CFAP47: variants seen among roughly 807,000 people sequenced by gnomAD.
CFAP47 encodes the protein cilia and flagella associated protein 47, also known as cilia- and flagella-associated protein 47.
In CFAP47, 29 loss-of-function variants were observed where a neutral mutation model predicts 148.1. The ratio of observed to expected loss-of-function variants is 0.20; its 90% CI spans 0.15 to 0.27. The LOEUF (loss-of-function observed/expected upper bound fraction) is 0.27. Among genes scored for constraint, CFAP47 ranks in the 10% least tolerant of loss-of-function variants. The pLI is 1.00. For synonymous variants in CFAP47, 664 were observed against 577.3 expected, an observed-to-expected ratio of 1.15 and a Z score of -2.15; for missense variants, 1,872 against 1,697.5, an observed-to-expected ratio of 1.10 and a Z score of -1.81.
intron 29 of CFAP47, among the ~76,000 whole-genome samples, chrX:36,079,167 T>G (rs916543666): frequency 6.3e-5 from 7 of 111,052 alleles, no homozygotes; most frequent in Non-Finnish European, 1.3e-4. Context: ...GGGGTTGCTC[T>G]TCTTGAGGAT....
chrX:36,026,946 T>C (rs948277134), intron 22 of CFAP47, among the ~76,000 whole-genome samples: 23 of 109,202 alleles, frequency 2.1e-4, no homozygotes, highest in Non-Finnish European at 4.0e-4. Context: ...CTATCTTCTC[T>C]TGTATTTAGA....
chrX:36,038,047 G>A (rs1211440888), intron 24 of CFAP47, among the ~76,000 whole-genome samples: 1 of 111,224 alleles, frequency 9.0e-6, no homozygotes, highest in Non-Finnish European at 1.9e-5. Context: ...CTACTTACTT[G>A]ATCAGGTAAA....
At position 36,047,000 on chromosome X, in the gene CFAP47, T is replaced by A. The variant is rs200306052; in HGVS notation, c.4154T>A (p.Phe1385Tyr). Residue 1385 changes from phenylalanine to tyrosine, a missense_variant, in exon 26 of 64, where the codon TTC (phenylalanine) becomes TAC (tyrosine). Coordinates refer to ENST00000378653, the MANE Select transcript of CFAP47 (RefSeq NM_001304548.2). ...AATAAGCTCACTTGCCACCTCAGTT[T>A]CAAGTCATCTAAACCTGTGTCATTT... ...INNKLTCHLS[F>Y]KSSKPVSFFT... 8.6e-7 allele frequency: 1 copy of A among 1,164,752 alleles called. No individual in the cohort carries two copies. The highest frequency in any genetic ancestry group is 1.1e-6 in the Non-Finnish European group (1 of 871,227).
At chrX:36,378,966 C>T (rs182915829) in intron 62 of CFAP47, among the ~76,000 whole-genome samples, 4 of 109,175 alleles carry the variant, frequency 3.7e-5, no homozygotes, top group Non-Finnish European at 5.7e-5. Flanking sequence ...CGCACATCAC[C>T]GTGCCTGGTT....
chrX:36,167,503 T>G (rs1939506567), intron 39 of CFAP47, among the ~76,000 whole-genome samples: 1 of 111,394 alleles, frequency 9.0e-6, no homozygotes, highest in Admixed American at 9.6e-5. Context: ...GGGGTTTCAG[T>G]ATTTTCAGCA....
At chrX:36,228,534 A>G (rs1940297886) in intron 45 of CFAP47, 94 bp from the exon 46 acceptor site, 1 of 475,322 alleles carries the variant, frequency 2.1e-6, no homozygotes, top group South Asian at 3.1e-5. Flanking sequence ...GTTATGCAGT[A>G]CAATTTAATA....
intron 50 of CFAP47, among the ~76,000 whole-genome samples, chrX:36,281,564 A>G (rs1941079515): frequency 8.9e-6 from 1 of 112,451 alleles, no homozygotes; most frequent in Admixed American, 9.4e-5. Context: ...TTGGAGGAAC[A>G]CCAGTGGTTG....
intron 50 of CFAP47, among the ~76,000 whole-genome samples, chrX:36,285,026 A>C (rs935592755): frequency 5.6e-4 from 63 of 111,678 alleles, no homozygotes; most frequent in Middle Eastern, 4.6e-3. Flanking sequence ...TTTGGTTATC[A>C]TCAGGGGCAG....
intron 49 of CFAP47, among the ~76,000 whole-genome samples, chrX:36,263,644 G>A (rs1173304006): frequency 1.8e-5 from 2 of 111,698 alleles, no homozygotes; most frequent in Non-Finnish European, 3.8e-5. Context: ...GTCAGCTTGT[G>A]GTGAATGCTG....
intron 54 of CFAP47, among the ~76,000 whole-genome samples, chrX:36,305,921 G>T (rs868992552): frequency 4.5e-5 from 5 of 111,402 alleles, no homozygotes; most frequent in African/African-American, 1.6e-4. Flanking sequence ...AGGTGACTGT[G>T]TTCTAAATAT....
At chrX:36,278,149 G>T (rs1303589445) in intron 49 of CFAP47, among the ~76,000 whole-genome samples, 2 of 112,574 alleles carry the variant, frequency 1.8e-5, no homozygotes, top group Non-Finnish European at 3.8e-5. Flanking sequence ...GTGTAAGTCT[G>T]CAGAAGTTTC....
chrX:36,149,959 A>G (rs1939288226), intron 37 of CFAP47, among the ~76,000 whole-genome samples: 1 of 110,446 alleles, frequency 9.1e-6, no homozygotes, highest in Admixed American at 9.8e-5. Flanking sequence ...AGCATGTACT[A>G]ATTATAGGAA....
chrX:36,068,195 C>T lies in CFAP47; in HGVS notation c.4318+2452C>T, dbSNP rs1342701957. On this transcript the variant is annotated intron_variant, in intron 27 of 63. Transcript: ENST00000378653. ...GACTGGAGCATTTTACCCATGACAC[C>T]GTACACAGTTATAGAAGATCCCTGC... Among the ~76,000 whole-genome samples the T allele has an allele frequency of 5.4e-5, 6 of 111,746 alleles. 1 individual carries two copies. Among genetic ancestry groups the T allele is most frequent in the Admixed American group, 4.7e-4 (5 of 10,562 alleles).
chrX:36,010,890 A>G (rs184062048), intron 21 of CFAP47, among the ~76,000 whole-genome samples: 1 of 111,598 alleles, frequency 9.0e-6, no homozygotes, highest in East Asian at 2.8e-4. Context: ...CAGTGGCTTT[A>G]AAGTCTTTTT....
At chrX:36,016,621 T>C (rs1937098503) in intron 22 of CFAP47, among the ~76,000 whole-genome samples, 1 of 109,985 alleles carries the variant, frequency 9.1e-6, no homozygotes, top group Non-Finnish European at 1.9e-5. Flanking sequence ...AACATGTGAG[T>C]GCAGATATCT....
In CFAP47 at chrX:36,090,652, G is replaced by A. The variant is rs571422455; in HGVS notation, c.4916+5114G>A. ...GATAAAATGACTTAACATTTAGAAA[G>A]TGACAGTATGGTTAATAAAATTGGG... On this transcript the variant is annotated intron_variant, in intron 30 of 63. Coordinates refer to ENST00000378653, the MANE Select transcript of CFAP47 (RefSeq NM_001304548.2). 5.8e-4 allele frequency among the ~76,000 whole-genome samples: 65 copies of A among 111,782 alleles called. No homozygotes were observed. In the South Asian group the frequency reaches 0.024, roughly 41 times the overall value.
intron 57 of CFAP47, among the ~76,000 whole-genome samples, chrX:36,326,037 C>G (rs1257751564): frequency 9.0e-6 from 1 of 111,035 alleles, no homozygotes; most frequent in East Asian, 2.8e-4. Context: ...TAAAGCCATA[C>G]ATTTTTTCAT....
intron 27 of CFAP47, among the ~76,000 whole-genome samples, chrX:36,066,315 A>C (rs1275546857): frequency 1.4e-5 from 1 of 71,344 alleles, no homozygotes; most frequent in African/African-American, 5.3e-5. Flanking sequence ...CTTAATTTTC[A>C]GTGCTGAATT....
At chrX:36,148,065 T>G (rs1939260015) in intron 36 of CFAP47, among the ~76,000 whole-genome samples, 2 of 111,109 alleles carry the variant, frequency 1.8e-5, no homozygotes, top group Admixed American at 1.9e-4. Flanking sequence ...TGCAAAGCAG[T>G]TTTGCAGTGG....
Sources: gnomAD v4.1 joint callset for allele counts (sites outside exome capture counted in the v4.1 genomes callset) on GRCh38, gnomAD v4.1.1 for gene constraint, MANE v1.5 for transcripts, NCBI Gene and HGNC (gene_info 2026-07-23, HGNC 2026-07-21) for gene names.